Variants in HS6ST3 observed in about 807,000 individuals in gnomAD.
HS6ST3 encodes heparan-sulfate 6-O-sulfotransferase 3.
A neutral mutation model predicts 36.7 loss-of-function variants in HS6ST3; 12 were observed. That is an observed-to-expected ratio of 0.33 (90% CI 0.21 to 0.53). The LOEUF (loss-of-function observed/expected upper bound fraction) is 0.53, where lower values mean the gene tolerates loss of function less well. Ranked by LOEUF, HS6ST3 falls within the 20% of genes least tolerant of loss-of-function variation. The pLI is 0.95. For synonymous variants in HS6ST3, 240 were observed against 257.5 expected (o/e 0.93, Z 0.65); for missense variants, 584 against 640.9 (o/e 0.91, Z 0.96).
intron 1 of HS6ST3, among the ~76,000 whole-genome samples, chr13:96,597,701 A>G (rs948397771): frequency 7.9e-5 from 12 of 151,128 alleles, no homozygotes; most frequent in African/African-American, 2.9e-4. Flanking sequence ...CTATTTATTT[A>G]TTTTCGCATT....
At chr13:96,486,784 C>G (rs2055917331) in intron 1 of HS6ST3, among the ~76,000 whole-genome samples, 1 of 152,090 alleles carries the variant, frequency 6.6e-6, no homozygotes, top group African/African-American at 2.4e-5. Context: ...CGATTAATAT[C>G]AGTTACAGGG....
intron 1 of HS6ST3, among the ~76,000 whole-genome samples, chr13:96,134,495 A>G (rs1456211537): frequency 6.6e-6 from 1 of 150,754 alleles, no homozygotes; most frequent in Non-Finnish European, 1.5e-5. Flanking sequence ...CAGTGTCATA[A>G]TTTTTTCTTT....
chr13:96,134,396 CTTTA>C (rs767630362), intron 1 of HS6ST3, among the ~76,000 whole-genome samples: 37 of 150,300 alleles, frequency 2.5e-4, no homozygotes, highest in African/African-American at 4.6e-4. Flanking sequence ...ATGGTTTTAC[CTTTA>C]TTTATCTTCT....
At chr13:96,142,069 G>A (rs1228558249) in intron 1 of HS6ST3, among the ~76,000 whole-genome samples, 2 of 149,600 alleles carry the variant, frequency 1.3e-5, no homozygotes, top group Non-Finnish European at 3.0e-5. Flanking sequence ...GGCCAAGGGA[G>A]GTGAATGTTT....
intron 1 of HS6ST3, among the ~76,000 whole-genome samples, chr13:96,706,007 G>T (rs1875413305): frequency 6.6e-6 from 1 of 152,148 alleles, no homozygotes; most frequent in Non-Finnish European, 1.5e-5. Context: ...GATTTTTCAA[G>T]TCTAGGCTTA....
intron 1 of HS6ST3, among the ~76,000 whole-genome samples, chr13:96,771,183 A>G (rs1877253683): frequency 6.7e-6 from 1 of 150,302 alleles, no homozygotes; most frequent in African/African-American, 2.4e-5. Flanking sequence ...AAAAAAACCA[A>G]CACCGCATGT....
At chr13:96,180,556 A>C (rs1351509855) in intron 1 of HS6ST3, among the ~76,000 whole-genome samples, 1 of 152,200 alleles carries the variant, frequency 6.6e-6, no homozygotes, top group Non-Finnish European at 1.5e-5. Flanking sequence ...GTTTTTAATG[A>C]TATCAAAAGA....
At chr13:96,138,404 ATATATT>A (rs1332824365) in intron 1 of HS6ST3, among the ~76,000 whole-genome samples, 2 of 46,630 alleles carry the variant, frequency 4.3e-5, no homozygotes, top group Admixed American at 3.0e-4. Flanking sequence ...GTTTATAAAT[ATATATT>A]TACAGTTTAT....
At chr13:96,171,804 A>G (rs976541765) in intron 1 of HS6ST3, among the ~76,000 whole-genome samples, 5 of 152,206 alleles carry the variant, frequency 3.3e-5, no homozygotes, top group African/African-American at 1.2e-4. Flanking sequence ...AAGAAAAAAT[A>G]TTTATATTTA....
At chr13:96,743,488 ATTC>A (rs1419321974) in intron 1 of HS6ST3, among the ~76,000 whole-genome samples, 1 of 152,052 alleles carries the variant, frequency 6.6e-6, no homozygotes, top group African/African-American at 2.4e-5. Context: ...AGCTTCCTCT[ATTC>A]TTCTCTTCTA....
intron 1 of HS6ST3, among the ~76,000 whole-genome samples, chr13:96,745,871 A>G (rs1027392949): frequency 6.6e-6 from 1 of 152,010 alleles, no homozygotes; most frequent in Non-Finnish European, 1.5e-5. Flanking sequence ...TCTTCTTGAC[A>G]TTGTTCCTGG....
intron 1 of HS6ST3, among the ~76,000 whole-genome samples, chr13:96,114,184 C>T (rs1209552022): frequency 6.6e-6 from 1 of 151,250 alleles, no homozygotes; most frequent in East Asian, 1.9e-4. Context: ...CAGGATCAGT[C>T]TCTGTCACCC....
At chr13:96,277,510 A>G (rs1052419353) in intron 1 of HS6ST3, among the ~76,000 whole-genome samples, 1 of 152,166 alleles carries the variant, frequency 6.6e-6, no homozygotes, top group African/African-American at 2.4e-5. Flanking sequence ...ATACAAGTCA[A>G]TTTCTTTATT....
chr13:96,147,517 T>G (rs1594694124), intron 1 of HS6ST3, among the ~76,000 whole-genome samples: 1 of 152,258 alleles, frequency 6.6e-6, no homozygotes, highest in African/African-American at 2.4e-5. Flanking sequence ...CACTGTCTTC[T>G]GGGAGTTTGC....
chr13:96,704,183 A>G (rs1321639814), intron 1 of HS6ST3, among the ~76,000 whole-genome samples: 2 of 152,200 alleles, frequency 1.3e-5, no homozygotes, highest in Admixed American at 6.5e-5. Flanking sequence ...ATAGAAATCA[A>G]TGGGTCATAA....
At chr13:96,736,270 A>G (rs1876282846) in intron 1 of HS6ST3, among the ~76,000 whole-genome samples, 1 of 152,162 alleles carries the variant, frequency 6.6e-6, no homozygotes, top group East Asian at 1.9e-4. Context: ...CAACAAAGAG[A>G]AGAAGTCACA....
intron 1 of HS6ST3, among the ~76,000 whole-genome samples, chr13:96,314,708 A>G (rs2054959546): frequency 6.6e-6 from 1 of 152,218 alleles, no homozygotes; most frequent in Admixed American, 6.5e-5. Context: ...GAATTATTCA[A>G]TTCAAATAAA....
chr13:96,154,843 C>T (rs1420091200), intron 1 of HS6ST3, among the ~76,000 whole-genome samples: 1 of 151,912 alleles, frequency 6.6e-6, no homozygotes, highest in African/African-American at 2.4e-5. Flanking sequence ...GAAATTGGTG[C>T]AATACTTTTA....
intron 1 of HS6ST3, among the ~76,000 whole-genome samples, chr13:96,684,180 T>C (rs1566428993): frequency 6.6e-6 from 1 of 152,116 alleles, no homozygotes; most frequent in Non-Finnish European, 1.5e-5. Flanking sequence ...ATGTAATTTC[T>C]AGGAATCTGA....
Sources: allele counts gnomAD v4.1 joint callset (sites outside exome capture counted in the v4.1 genomes callset), GRCh38; gene constraint gnomAD v4.1.1; transcripts MANE v1.5; gene names NCBI Gene and HGNC (gene_info 2026-07-23, HGNC 2026-07-21).